The following POLR2B variants were observed in gnomAD, a reference collection of about 807,000 sequenced individuals.
POLR2B encodes RNA polymerase II subunit B, also known as DNA-directed RNA polymerase II subunit RPB2.
Under a neutral mutation model 144.6 loss-of-function variants are expected in POLR2B, and 57 were observed. That is an observed-to-expected ratio of 0.39 (90% CI 0.32 to 0.49). The LOEUF is 0.49. POLR2B is among the 20% of genes least tolerant of loss of function. POLR2B has a pLI of 0.83. For synonymous variants in POLR2B, 442 were observed against 469.8 expected (o/e 0.94, Z 0.77); for missense variants, 595 against 1,467.4 (o/e 0.41, Z 9.71).
intron 2 of POLR2B, among the ~76,000 whole-genome samples, chr4:56,987,058 G>A (rs1722357769): frequency 6.6e-6 from 1 of 152,072 alleles, no homozygotes; most frequent in African/African-American, 2.4e-5. Context: ...CATTTTTGAA[G>A]AATACGGGCC....
chr4:57,017,350 TA>T lies in POLR2B; in HGVS notation c.2154+110del. On this transcript the variant is annotated intron_variant, in intron 15 of 24. Coordinates refer to ENST00000314595, the MANE Select transcript of POLR2B (RefSeq NM_000938.3). The surrounding 1 kb of genome is among the most constrained non-coding windows in gnomAD (Gnocchi z 4.8). Reference sequence around the variant, plus strand: ...GGAAAAAGCCTTTTAATGAAAAGGCTATTAACTCCTACGGAATCAGTATTTG... The same window carrying T: ...GGAAAAAGCCTTTTAATGAAAAGGCTTTAACTCCTACGGAATCAGTATTTG... 2.4e-6 allele frequency: 2 copies of T among 847,874 alleles called. No individual in the cohort carries two copies. Among genetic ancestry groups the T allele is most frequent in the Non-Finnish European group, 3.8e-6 (2 of 527,402 alleles). 52.5% of individuals were successfully genotyped at this position (847,874 alleles called of 1,614,324 possible). A position where few individuals can be genotyped will look rare whatever the true frequency, so the allele number is the denominator to read the frequency against.
intron 1 of POLR2B, chr4:56,985,187 A>G (rs1722278976): frequency 2.7e-6 from 1 of 371,308 alleles, no homozygotes; most frequent in Non-Finnish European, 3.7e-6. Flanking sequence ...CTTTCTCAGT[A>G]TGTAGCAGCC....
At chr4:57,011,205 C>A (rs1723177000) in intron 13 of POLR2B, 105 bp downstream of exon 13, 2 of 748,576 alleles carry the variant, frequency 2.7e-6, no homozygotes, top group East Asian at 5.3e-5. Flanking sequence ...GAACTTTATT[C>A]CCTTGAACTG....
At chr4:57,006,689 A>G in intron 9 of POLR2B, 127 bp from the exon 10 acceptor site, 1 of 687,516 alleles carries the variant, frequency 1.5e-6, no homozygotes, top group East Asian at 2.5e-5. Context: ...TAAAAGAGCA[A>G]CAACTTTCAC....
intron 7 of POLR2B, among the ~76,000 whole-genome samples, chr4:57,000,040 G>A (rs1722805990): frequency 1.3e-5 from 2 of 152,212 alleles, no homozygotes; most frequent in African/African-American, 2.4e-5. Flanking sequence ...AAGGAAGCTC[G>A]CAGAAGCACA....
chr4:57,023,983 C>G lies in POLR2B; in HGVS notation c.2857-22C>G. On this transcript the variant is annotated intron_variant, in intron 20 of 24. Coordinates refer to ENST00000314595, the MANE Select transcript of POLR2B (RefSeq NM_000938.3). This position sits in a 1 kb window ranked among gnomAD's most constrained non-coding sequence, Gnocchi z 4.3. ...GTTTAGTATATGTATCTTTGAGTCC[C>G]TTTTAAAATTTTTCTTTGTAGGATA... The G allele has an allele frequency of 1.5e-6, 2 of 1,377,078 alleles. No individual in the cohort carries two copies. Among genetic ancestry groups the G allele is most frequent in the Non-Finnish European group, 2.0e-6 (2 of 995,154 alleles). 85.3% of individuals were successfully genotyped at this position (1,377,078 alleles called of 1,614,324 possible). A position where few individuals can be genotyped will look rare whatever the true frequency, so the allele number is the denominator to read the frequency against.
chr4:57,016,012 G>C (rs1025889840), intron 14 of POLR2B, among the ~76,000 whole-genome samples: 18 of 152,248 alleles, frequency 1.2e-4, no homozygotes, highest in African/African-American at 4.1e-4. Context: ...GCCTGCTTCA[G>C]CCTCCCAGAG....
intron 13 of POLR2B, among the ~76,000 whole-genome samples, chr4:57,013,421 A>C (rs190217314): frequency 4.7e-4 from 71 of 151,630 alleles, no homozygotes; most frequent in South Asian, 1.9e-3. Flanking sequence ...TTTTTAATAG[A>C]GAGATTAAAA....
At chr4:57,026,290 G>A (rs1723718009) in intron 23 of POLR2B, among the ~76,000 whole-genome samples, 1 of 151,990 alleles carries the variant, frequency 6.6e-6, no homozygotes, top group African/African-American at 2.4e-5. Flanking sequence ...ATGTTGCCCA[G>A]GCTGGACTTG....
At chr4:57,011,587 G>A (rs916616339) in intron 13 of POLR2B, among the ~76,000 whole-genome samples, 1 of 151,852 alleles carries the variant, frequency 6.6e-6, no homozygotes, top group Non-Finnish European at 1.5e-5. Flanking sequence ...CACTTTGGGA[G>A]GCTAAGGCAG....
chr4:56,995,009 G>C (rs1427471120), intron 5 of POLR2B, 143 bp downstream of exon 5: 1 of 657,676 alleles, frequency 1.5e-6, no homozygotes, highest in Non-Finnish European at 2.5e-6. Flanking sequence ...GGGTATGACA[G>C]CTAAACTTAT....
chr4:56,978,928 C>A lies in POLR2B; in HGVS notation c.-58C>A. ...CTTTAGCTCCTGGCGCTGCTGGCTT[C>A]TGGGCGGTTTTTGTCTTTTGATTTC... On this transcript the variant is annotated 5_prime_UTR_variant, in exon 1 of 25. It adds an upstream start codon to the 5' untranslated region. Transcript: ENST00000314595. The A allele has an allele frequency of 1.3e-6, 2 of 1,562,874 alleles. No individual in the cohort carries two copies. The highest frequency in any genetic ancestry group is 1.8e-6 in the Non-Finnish European group (2 of 1,133,682).
At chr4:57,026,836 A>G (rs1215944826) in intron 23 of POLR2B, among the ~76,000 whole-genome samples, 1 of 152,232 alleles carries the variant, frequency 6.6e-6, no homozygotes. Context: ...TTTAGTGACA[A>G]GAATAACATT....
rs75887280 is a variant in POLR2B at position 57,001,597 on chromosome 4, A to T, written c.900+1816A>T. 6.4e-3 allele frequency among the ~76,000 whole-genome samples: 975 copies of T among 152,332 alleles called. 6 individuals carry two copies. The highest frequency in any genetic ancestry group is 0.037 in the Middle Eastern group (11 of 294). ...TTTATGCACTTTTTTGGCAGAAAAA[A>T]TACTTAAGTAATATTATATGCTTCC... On this transcript the variant is annotated intron_variant, in intron 7 of 24. Coordinates refer to ENST00000314595, the MANE Select transcript of POLR2B (RefSeq NM_000938.3).
chr4:56,994,901 G>A lies in POLR2B; in HGVS notation c.576+35G>A, dbSNP rs570633791. ...CATTATTTTAAAAAATTACAAAATG[G>A]TAGTTAAAATTTAGTTTAAAGTTGA... is the stretch of plus-strand genomic sequence containing the variant. On this transcript the variant is annotated intron_variant, in intron 5 of 24. Transcript: ENST00000314595. The A allele has an allele frequency of 2.9e-4, 315 of 1,096,454 alleles. 12 individuals are homozygous for A. In the South Asian group the frequency reaches 4.5e-3, roughly 16 times the overall value. The allele number at this position is 1,096,454 out of a possible 1,614,324, so 67.9% of individuals were successfully genotyped here. A position where few individuals can be genotyped will look rare whatever the true frequency, so the allele number is the denominator to read the frequency against.
intron 6 of POLR2B, among the ~76,000 whole-genome samples, chr4:56,996,779 AAC>A (rs1578566388): frequency 6.6e-6 from 1 of 152,124 alleles, no homozygotes; most frequent in East Asian, 1.9e-4. Context: ...AGATCATGAA[AAC>A]ACACAATCCT....
intron 24 of POLR2B, 136 bp downstream of exon 24, chr4:57,030,535 G>A (rs960076881): frequency 8.2e-6 from 5 of 613,064 alleles, no homozygotes. Context: ...GAGATTCCGA[G>A]TTCTAAATAA....
rs112254682 is a variant in POLR2B, at chr4:57,019,993, A to G, written c.2324-906A>G. On this transcript the variant is annotated intron_variant, in intron 16 of 24. Coordinates refer to ENST00000314595, the MANE Select transcript of POLR2B (RefSeq NM_000938.3). ...ATTGTGTCTCAATTTAGGTTTGACT[A>G]TTGTTTCCTCATGATGATATCCAGG... Among the ~76,000 whole-genome samples the G allele has an allele frequency of 4.8e-3, 738 of 152,180 alleles. 1 individual carries two copies. The highest frequency in any genetic ancestry group is 6.8e-3 in the Middle Eastern group (2 of 294).
rs1723668629 is a variant in POLR2B at position 57,025,010 on chromosome 4, T to C, written c.3078+11T>C. 1.5e-6 allele frequency: 2 copies of C among 1,307,402 alleles called. No homozygotes were observed. The highest frequency in any genetic ancestry group is 4.6e-5 in the East Asian group (2 of 43,192). 81.0% of individuals were successfully genotyped at this position (1,307,402 alleles called of 1,614,324 possible). On this transcript the variant is annotated intron_variant, in intron 22 of 24. Coordinates refer to ENST00000314595, the MANE Select transcript of POLR2B (RefSeq NM_000938.3). ...CTCAGAGGAAATGAGGTATATTTGCTCTTATAGTAGTAATTTGCCACTTGT... is the reference window on the plus strand; with the variant it reads ...CTCAGAGGAAATGAGGTATATTTGCCCTTATAGTAGTAATTTGCCACTTGT...
Sources: allele counts gnomAD v4.1 joint callset (sites outside exome capture counted in the v4.1 genomes callset), GRCh38; gene constraint gnomAD v4.1.1; non-coding constraint Gnocchi (gnomAD v3.1); transcripts MANE v1.5; gene names NCBI Gene and HGNC (gene_info 2026-07-23, HGNC 2026-07-21).